LIX1: variants seen among roughly 807,000 people sequenced by gnomAD.
LIX1 encodes limb and CNS expressed 1, also known as protein limb expression 1 homolog.
A neutral mutation model predicts 33.4 loss-of-function variants in LIX1; 24 were observed. The ratio of observed to expected loss-of-function variants is 0.72; its 90% CI spans 0.52 to 1.01. The LOEUF (loss-of-function observed/expected upper bound fraction) is 1.01. Ranked by LOEUF, LIX1 falls within the 50% of genes least tolerant of loss-of-function variation. The pLI, the probability that LIX1 is intolerant of heterozygous loss-of-function variation, is 0.00. For missense variants in LIX1, 311 were observed against 339.2 expected (o/e 0.92, Z 0.65); for synonymous variants, 124 against 124.0 (o/e 1.00, Z 0.00).
At chr5:97,112,872 T>C (rs930066558) in intron 2 of LIX1, among the ~76,000 whole-genome samples, 2 of 151,510 alleles carry the variant, frequency 1.3e-5, no homozygotes, top group African/African-American at 4.9e-5. Flanking sequence ...GTAGCCAGTT[T>C]GTAAGATTCC....
intron 4 of LIX1, among the ~76,000 whole-genome samples, chr5:97,098,818 A>T (rs1166632483): frequency 6.6e-6 from 1 of 152,250 alleles, no homozygotes; most frequent in Non-Finnish European, 1.5e-5. Context: ...GTCAGGTTTT[A>T]GGCATCTTAA....
chr5:97,107,304 A>C (rs746261676), intron 3 of LIX1, 56 bp downstream of exon 3: 5 of 1,532,578 alleles, frequency 3.3e-6, no homozygotes, highest in Non-Finnish European at 8.9e-7. Flanking sequence ...CTCAAGATTC[A>C]AATGCTTCAG....
At chr5:97,139,927 G>C (rs972893365) in intron 1 of LIX1, among the ~76,000 whole-genome samples, 4 of 152,188 alleles carry the variant, frequency 2.6e-5, no homozygotes, top group Admixed American at 6.5e-5. Context: ...ACCATTTGAA[G>C]AGCTTCCTCA....
chr5:97,100,343 T>C (rs138252872), intron 4 of LIX1, among the ~76,000 whole-genome samples: 2 of 151,328 alleles, frequency 1.3e-5, no homozygotes, highest in Non-Finnish European at 3.0e-5. Flanking sequence ...ACGAAGCAGC[T>C]TTTTTTTTCT....
chr5:97,093,956 A>T lies in LIX1; in HGVS notation c.*792T>A, dbSNP rs997405856. 2 of 152,408 alleles carry T rather than the reference A, an allele frequency of 1.3e-5. No individual in the cohort carries two copies. The highest frequency in any genetic ancestry group is 2.9e-5 in the Non-Finnish European group (2 of 68,054). The allele number at this position is 152,408 out of a possible 1,614,324, so 9.4% of individuals were successfully genotyped here. A position where few individuals can be genotyped will look rare whatever the true frequency, so the allele number is the denominator to read the frequency against. On this transcript the variant is annotated 3_prime_UTR_variant, in exon 6 of 6. Coordinates refer to ENST00000274382, the MANE Select transcript of LIX1 (RefSeq NM_153234.5). ...ATATATGTTTGCAGTGGCAAAAAAT[A>T]AGAACAAATTAGTTCAGGTTATCGA... is the stretch of plus-strand genomic sequence containing the variant.
chr5:97,094,900 C>T lies in LIX1; in HGVS notation c.697G>A (p.Glu233Lys), dbSNP rs141456649. The change falls in exon 6 of 6, where the codon GAG (glutamate) becomes AAG (lysine). Residue 233 changes from glutamate to lysine, a missense_variant. Glu to Lys is a moderately conservative substitution (Grantham distance 56). Transcript: ENST00000274382. ...TCTTGTCCTGCTTTCCTGGCTTCCTCCAACTGCCTCAGGGCCATTCGTAGC... is the reference window on the plus strand; with the variant it reads ...TCTTGTCCTGCTTTCCTGGCTTCCTTCAACTGCCTCAGGGCCATTCGTAGC... ...QELRMALRQLEEARKAGQELR... is the reference protein window; with the variant it reads ...QELRMALRQLKEARKAGQELR... 7 of 1,614,078 alleles carry T rather than the reference C, an allele frequency of 4.3e-6. No homozygotes were observed. The highest frequency in any genetic ancestry group is 5.9e-6 in the Non-Finnish European group (7 of 1,180,044).
At chr5:97,098,587 A>T (rs918711102) in intron 4 of LIX1, among the ~76,000 whole-genome samples, 1 of 152,224 alleles carries the variant, frequency 6.6e-6, no homozygotes, top group East Asian at 1.9e-4. Flanking sequence ...CCTACTGTCC[A>T]TTCAAAAAAG....
intron 1 of LIX1, among the ~76,000 whole-genome samples, chr5:97,136,814 G>A (rs1748182078): frequency 1.3e-5 from 2 of 151,926 alleles, no homozygotes; most frequent in Non-Finnish European, 2.9e-5. Context: ...GAACTATGGG[G>A]AGTGTAATAA....
intron 2 of LIX1, among the ~76,000 whole-genome samples, chr5:97,118,185 T>C (rs769266717): frequency 6.6e-6 from 1 of 152,232 alleles, no homozygotes; most frequent in Non-Finnish European, 1.5e-5. Context: ...CATTCAATCA[T>C]AATTCATGCA....
chr5:97,136,058 G>A (rs1748166989), intron 1 of LIX1, among the ~76,000 whole-genome samples: 1 of 152,180 alleles, frequency 6.6e-6, no homozygotes, highest in African/African-American at 2.4e-5. Flanking sequence ...TATGCACAAG[G>A]CACAGAGTTT....
chr5:97,107,520 A>T lies in LIX1; in HGVS notation c.247-20T>A. 1.2e-6 allele frequency: 2 copies of T among 1,613,340 alleles called. No homozygotes were observed. The highest frequency in any genetic ancestry group is 1.7e-6 in the Non-Finnish European group (2 of 1,179,504). On this transcript the variant is annotated intron_variant, in intron 2 of 5. Transcript: ENST00000274382. ...GCAGCACTTGAGAAGGGAGGGAGAA[A>T]AGGAGTCATTTGAGAATTTAGCATT...
At chr5:97,120,658 G>T (rs1284953029) in intron 2 of LIX1, among the ~76,000 whole-genome samples, 1 of 152,156 alleles carries the variant, frequency 6.6e-6, no homozygotes, top group Non-Finnish European at 1.5e-5. Flanking sequence ...AAGAGGTCAA[G>T]ACATGCATGA....
At chr5:97,117,849 T>C (rs1218990334) in intron 2 of LIX1, among the ~76,000 whole-genome samples, 1 of 152,146 alleles carries the variant, frequency 6.6e-6, no homozygotes, top group Non-Finnish European at 1.5e-5. Flanking sequence ...GGAGCTCATC[T>C]GCACTGTGTG....
intron 4 of LIX1, chr5:97,103,003 G>A: frequency 2.3e-6 from 1 of 437,902 alleles, no homozygotes; most frequent in Non-Finnish European, 4.5e-6. Context: ...TACAAAATGG[G>A]CATTATTATT....
At chr5:97,112,314 G>A (rs1017930023) in intron 2 of LIX1, among the ~76,000 whole-genome samples, 2 of 152,222 alleles carry the variant, frequency 1.3e-5, no homozygotes, top group African/African-American at 4.8e-5. Context: ...CTATCAAACA[G>A]TGGGAAACAC....
At chr5:97,102,028 A>C (rs1746729856) in intron 4 of LIX1, 1 of 152,124 alleles carries the variant, frequency 6.6e-6, no homozygotes, top group Non-Finnish European at 1.5e-5. Flanking sequence ...GACAAGACCC[A>C]GTGACTAGTG....
At chr5:97,138,324 T>G (rs1047034485) in intron 1 of LIX1, among the ~76,000 whole-genome samples, 2 of 152,220 alleles carry the variant, frequency 1.3e-5, no homozygotes, top group Non-Finnish European at 2.9e-5. Flanking sequence ...GATTTTGGCC[T>G]TCAGTCAGTG....
chr5:97,118,409 A>ACTC (rs1260272696), intron 2 of LIX1, among the ~76,000 whole-genome samples: 2 of 152,158 alleles, frequency 1.3e-5, no homozygotes, highest in African/African-American at 4.8e-5. Context: ...TGGAAGCAAA[A>ACTC]ACAGCTGCTG....
At chr5:97,100,246 T>C (rs567162706) in intron 4 of LIX1, among the ~76,000 whole-genome samples, 1 of 152,146 alleles carries the variant, frequency 6.6e-6, no homozygotes, top group Non-Finnish European at 1.5e-5. Context: ...TTCAAAAATG[T>C]CCCCAAAGAG....
Sources: gnomAD v4.1 joint callset for allele counts (sites outside exome capture counted in the v4.1 genomes callset) on GRCh38, gnomAD v4.1.1 for gene constraint, MANE v1.5 for transcripts, NCBI Gene and HGNC (gene_info 2026-07-23, HGNC 2026-07-21) for gene names.